MGAT4A: variants seen among roughly 807,000 people sequenced by gnomAD.
The protein encoded by MGAT4A is alpha-1,3-mannosyl-glycoprotein 4-beta-N-acetylglucosaminyltransferase A.
MGAT4A carries 33 observed loss-of-function variants against 74.1 expected under a neutral mutation model. The ratio of observed to expected loss-of-function variants is 0.45; its 90% CI spans 0.34 to 0.60. The LOEUF (loss-of-function observed/expected upper bound fraction) is 0.60, where lower values mean the gene tolerates loss of function less well. Ranked by LOEUF, MGAT4A falls within the 20% of genes least tolerant of loss-of-function variation. The pLI is 0.02. For synonymous variants in MGAT4A, 198 were observed against 210.4 expected (o/e 0.94, Z 0.51); for missense variants, 479 against 628.3 (o/e 0.76, Z 2.54).
rs537949990 is a variant in MGAT4A at position 98,623,223 on chromosome 2, T to C, written c.*2343A>G. ...GTCTTGGGAACAAGAATGAGTTTCT[T>C]GGGAACAACAGGTGGACCAATGCTG... On this transcript the variant is annotated 3_prime_UTR_variant, in exon 16 of 16. Transcript: ENST00000393487. The C allele has an allele frequency of 3.7e-5, 36 of 985,402 alleles. No homozygotes were observed. In the Admixed American group the frequency reaches 2.2e-3, roughly 59 times the overall value. 61.0% of individuals were successfully genotyped at this position (985,402 alleles called of 1,614,324 possible).
At chr2:98,645,304 T>C in intron 9 of MGAT4A, 124 bp downstream of exon 9, 1 of 651,598 alleles carries the variant, frequency 1.5e-6, no homozygotes, top group Non-Finnish European at 2.5e-6. Flanking sequence ...TAACTTAAGT[T>C]TTCTCTAAAA....
chr2:98,647,401 G>C (rs977446478), intron 8 of MGAT4A, among the ~76,000 whole-genome samples: 1 of 152,070 alleles, frequency 6.6e-6, no homozygotes, highest in African/African-American at 2.4e-5. Context: ...TGTAACCTCT[G>C]CCTCTTGGGT....
At chr2:98,730,231 G>A (rs929287849) in intron 1 of MGAT4A, 1 of 152,226 alleles carries the variant, frequency 6.6e-6, no homozygotes, top group African/African-American at 2.4e-5. Flanking sequence ...CGGAATGTAG[G>A]CAATGAAACC....
intron 4 of MGAT4A, among the ~76,000 whole-genome samples, chr2:98,674,357 G>T (rs1394763243): frequency 6.6e-6 from 1 of 152,200 alleles, no homozygotes; most frequent in Admixed American, 6.5e-5. Context: ...AGTCAAAACA[G>T]CGGAATCAAA....
intron 3 of MGAT4A, among the ~76,000 whole-genome samples, chr2:98,676,030 T>C (rs1701973047): frequency 1.3e-5 from 2 of 152,318 alleles, no homozygotes; most frequent in Middle Eastern, 3.4e-3. Context: ...GATGTTTCTG[T>C]TTTTATTAGA....
Position 98,620,949 on chromosome 2 carries a change from G to A in MGAT4A, c.*4617C>T, listed in dbSNP as rs1458542786. On this transcript the variant is annotated 3_prime_UTR_variant, in exon 16 of 16. Transcript: ENST00000393487. ...AACAAACGTCCAATGAAGACTAATT[G>A]AGATCTCTGGCGAGAACATCCCCAA... The A allele has an allele frequency of 6.6e-6, 1 of 152,586 alleles. No homozygotes were observed. The highest frequency in any genetic ancestry group is 1.5e-5 in the Non-Finnish European group (1 of 68,356). 9.5% of individuals were successfully genotyped at this position (152,586 alleles called of 1,614,324 possible). A position where few individuals can be genotyped will look rare whatever the true frequency, so the allele number is the denominator to read the frequency against.
chr2:98,628,234 C>T (rs1216753570), intron 14 of MGAT4A, among the ~76,000 whole-genome samples: 6 of 152,208 alleles, frequency 3.9e-5, no homozygotes, highest in Non-Finnish European at 7.3e-5. Context: ...CAAGTAATAA[C>T]TGAGCAGTAC....
rs553941888 is a variant in MGAT4A at position 98,621,986 on chromosome 2, T to TA, written c.*3579dup. ...CTATGTGCTAAATAATCCTTTGTGTTAACTTTTTCCAAAGCTTTTCAATCA... is the reference window on the plus strand; with the variant it reads ...CTATGTGCTAAATAATCCTTTGTGTTAAACTTTTTCCAAAGCTTTTCAATCA... On this transcript the variant is annotated 3_prime_UTR_variant, in exon 16 of 16. Transcript: ENST00000393487. 655 of 987,770 alleles carry TA rather than the reference T, an allele frequency of 6.6e-4. 5 individuals carry two copies. The highest frequency in any genetic ancestry group is 2.1e-3 in the East Asian group (19 of 8,856). 61.2% of individuals were successfully genotyped at this position (987,770 alleles called of 1,614,324 possible). A position where few individuals can be genotyped will look rare whatever the true frequency, so the allele number is the denominator to read the frequency against.
At chr2:98,637,938 A>G (rs1354691248) in intron 12 of MGAT4A, among the ~76,000 whole-genome samples, 1 of 152,138 alleles carries the variant, frequency 6.6e-6, no homozygotes, top group Non-Finnish European at 1.5e-5. Flanking sequence ...GTTACGTGGG[A>G]ATTCTTGGGG....
intron 12 of MGAT4A, 96 bp downstream of exon 12, chr2:98,639,712 A>T (rs112878736): frequency 3.6e-6 from 4 of 1,112,924 alleles, no homozygotes; most frequent in Non-Finnish European, 5.0e-6. Flanking sequence ...CTGTGTCCCC[A>T]CATCTGTCAG....
At chr2:98,730,973 C>A (rs1702846551) in intron 1 of MGAT4A, 75 bp downstream of exon 1, 2 of 146,670 alleles carry the variant, frequency 1.4e-5, no homozygotes, top group African/African-American at 4.9e-5. Flanking sequence ...GCCCCCAACT[C>A]CCGCGCCCTC....
At chr2:98,699,956 C>G (rs1329280833) in intron 2 of MGAT4A, among the ~76,000 whole-genome samples, 2 of 152,142 alleles carry the variant, frequency 1.3e-5, no homozygotes, top group Non-Finnish European at 2.9e-5. Flanking sequence ...CACGATGTTT[C>G]TTATAGGATA....
At chr2:98,683,337 T>C (rs1377002241) in intron 2 of MGAT4A, among the ~76,000 whole-genome samples, 1 of 152,202 alleles carries the variant, frequency 6.6e-6, no homozygotes, top group East Asian at 1.9e-4. Context: ...ACACTCGAAC[T>C]GTGGTAATGT....
chr2:98,678,209 T>C (rs1307033062), intron 3 of MGAT4A, 95 bp downstream of exon 3: 2 of 247,706 alleles, frequency 8.1e-6, no homozygotes, highest in African/African-American at 5.1e-5. Context: ...CAGCCTGGGC[T>C]ACAGAGTGAG....
At chr2:98,715,002 G>T (rs749207443) in intron 2 of MGAT4A, among the ~76,000 whole-genome samples, 22 of 152,208 alleles carry the variant, frequency 1.4e-4, no homozygotes, top group Non-Finnish European at 2.1e-4. Flanking sequence ...TCATACTTAT[G>T]TAAAGAAATA....
chr2:98,709,797 G>GC (rs1702491640), intron 2 of MGAT4A, among the ~76,000 whole-genome samples: 3 of 152,064 alleles, frequency 2.0e-5, no homozygotes, highest in Admixed American at 6.6e-5. Flanking sequence ...GCCATGACTG[G>GC]CCATCTGCCA....
Position 98,622,153 on chromosome 2 carries a change from T to C in MGAT4A, c.*3413A>G. 1 of 985,484 alleles carries C rather than the reference T, an allele frequency of 1.0e-6. No individual in the cohort carries two copies. Among genetic ancestry groups the C allele is most frequent in the Non-Finnish European group, 1.2e-6 (1 of 829,954 alleles). The allele number at this position is 985,484 out of a possible 1,614,324, so 61.0% of individuals were successfully genotyped here. A position where few individuals can be genotyped will look rare whatever the true frequency, so the allele number is the denominator to read the frequency against. ...TTTCTCTTCTCACCCAAAATATTCATCATCATTTGCATTATGTTCTATTCC... is the reference window on the plus strand; with the variant it reads ...TTTCTCTTCTCACCCAAAATATTCACCATCATTTGCATTATGTTCTATTCC... On this transcript the variant is annotated 3_prime_UTR_variant, in exon 16 of 16. Coordinates refer to ENST00000393487, the MANE Select transcript of MGAT4A (RefSeq NM_012214.3).
At chr2:98,647,802 T>G (rs1701517039) in intron 8 of MGAT4A, among the ~76,000 whole-genome samples, 1 of 152,236 alleles carries the variant, frequency 6.6e-6, no homozygotes, top group Admixed American at 6.5e-5. Context: ...GCATCTCCCT[T>G]TCCCCTGAGG....
At chr2:98,712,824 T>G (rs1477608238) in intron 2 of MGAT4A, among the ~76,000 whole-genome samples, 1 of 152,210 alleles carries the variant, frequency 6.6e-6, no homozygotes, top group Non-Finnish European at 1.5e-5. Flanking sequence ...TTAAGTTACT[T>G]TCTAGCTTCC....
Sources: allele counts gnomAD v4.1 joint callset (sites outside exome capture counted in the v4.1 genomes callset), GRCh38; gene constraint gnomAD v4.1.1; transcripts MANE v1.5; gene names NCBI Gene and HGNC (gene_info 2026-07-23, HGNC 2026-07-21).